ZNF718: variants seen among roughly 807,000 people sequenced by gnomAD.
The protein encoded by ZNF718 is zinc finger protein 718.
Under a neutral mutation model 2.6 loss-of-function variants are expected in ZNF718, and 3 were observed. That is an observed-to-expected ratio of 1.16 (90% confidence interval 0.53 to 3.01). The LOEUF is 3.01. Ranked by LOEUF, ZNF718 falls within the 30% of genes most tolerant of loss-of-function variation. The pLI is 0.03. For synonymous variants in ZNF718, 135 were observed against 77.9 expected, an observed-to-expected ratio of 1.73 and a Z score of -3.86; for missense variants, 468 against 230.0, an observed-to-expected ratio of 2.03 and a Z score of -6.69.
intron 3 of ZNF718, among the ~76,000 whole-genome samples, chr4:182,404 ATATTTATTTATT>A (rs74441689): frequency 0.13 from 19,217 of 147,566 alleles, 1,588 homozygotes; most frequent in Admixed American, 0.22. Flanking sequence ...ATTTTGATTT[ATATTTATTTATT>A]TATTTATTTA....
At chr4:166,284 A>G (rs1276668152), downstream of ZNF718, among the ~76,000 whole-genome samples, 11 of 152,168 alleles carry the variant, frequency 7.2e-5, no homozygotes, top group South Asian at 4.1e-4. Context: ...AGTCTTTGCT[A>G]TTGTGAATAG....
intron 3 of ZNF718, chr4:150,364 A>G (rs1225376858): frequency 2.0e-5 from 3 of 152,178 alleles, no homozygotes; most frequent in Non-Finnish European, 4.4e-5. Context: ...TATTTTGGAT[A>G]CGATGATGTA....
intron 3 of ZNF718, among the ~76,000 whole-genome samples, chr4:185,299 AG>A (rs2108814473): frequency 6.6e-6 from 1 of 152,276 alleles, no homozygotes; most frequent in Non-Finnish European, 1.5e-5. Flanking sequence ...ATTTCCATGT[AG>A]TTGCATGGTT....
chr4:194,081 C>T (rs1291762712), intron 3 of ZNF718, among the ~76,000 whole-genome samples: 3 of 152,170 alleles, frequency 2.0e-5, no homozygotes, highest in Non-Finnish European at 4.4e-5. Flanking sequence ...TTATCCCATT[C>T]TGCCTGCTCC....
chr4:172,863 G>T (rs1392011356), intron 3 of ZNF718, among the ~76,000 whole-genome samples: 1 of 151,974 alleles, frequency 6.6e-6, no homozygotes, highest in South Asian at 2.1e-4. Flanking sequence ...AGACCATCCT[G>T]GCCAACATGG....
intron 3 of ZNF718, 79 bp from the exon 4 acceptor site, chr4:160,833 G>T (rs1581460213): frequency 9.0e-6 from 6 of 670,074 alleles, no homozygotes; most frequent in Non-Finnish European, 5.4e-6. Flanking sequence ...TTACTGGCTT[G>T]AGCTATAGTG....
At chr4:169,944 G>A (rs201501054) in intron 3 of ZNF718, among the ~76,000 whole-genome samples, 29,132 of 150,460 alleles carry the variant, frequency 0.19, 3,011 homozygotes, top group Admixed American at 0.26. Flanking sequence ...TCCTAGCATC[G>A]ATGGTCTTTA....
At chr4:152,171 G>C (rs1221215489) in intron 3 of ZNF718, among the ~76,000 whole-genome samples, 8 of 147,024 alleles carry the variant, frequency 5.4e-5, no homozygotes, top group Non-Finnish European at 1.1e-4. Flanking sequence ...CATACAATCG[G>C]GTTTTATACC....
Position 162,804 on chromosome 4 carries a change from T to C in ZNF718, c.*682T>C, listed in dbSNP as rs1716956449. The C allele has an allele frequency of 6.6e-6, 1 of 152,196 alleles. No homozygotes were observed. Among genetic ancestry groups the C allele is most frequent in the South Asian group, 2.1e-4 (1 of 4,832 alleles). The allele number at this position is 152,196 out of a possible 1,614,324, so 9.4% of individuals were successfully genotyped here. A position where few individuals can be genotyped will look rare whatever the true frequency, so the allele number is the denominator to read the frequency against. ...AACTATAGCTTAAAAAAAACCAGTT[T>C]ATACTAGAAGATATTTTGTAGATGC... On this transcript the variant is annotated 3_prime_UTR_variant, in exon 4 of 4. Transcript: ENST00000510175.
intron 1 of ZNF718, 166 bp downstream of exon 1, chr4:124,839 C>T: frequency 1.2e-6 from 1 of 837,724 alleles, no homozygotes; most frequent in South Asian, 1.6e-5. Context: ...TACAGCGGCT[C>T]TGGCCCAGCC....
At chr4:155,552 A>C (rs914787650) in intron 3 of ZNF718, among the ~76,000 whole-genome samples, 1 of 152,202 alleles carries the variant, frequency 6.6e-6, no homozygotes, top group Non-Finnish European at 1.5e-5. Flanking sequence ...TTGGCCTTGC[A>C]TGGGGCCTCT....
chr4:130,937 A>G (rs1330628040), intron 2 of ZNF718, 23 bp downstream of exon 2: 2 of 316,554 alleles, frequency 6.3e-6, no homozygotes, highest in Non-Finnish European at 1.1e-5. Context: ...TTAATATGTA[A>G]TTCCTAATAC....
chr4:160,876 G>A, intron 3 of ZNF718, 36 bp from the exon 4 acceptor site: 1 of 724,192 alleles, frequency 1.4e-6, no homozygotes, highest in South Asian at 1.6e-5. Flanking sequence ...TATGAATCTA[G>A]TAAGTGGGAT....
At chr4:164,570 A>C (rs1284193981), downstream of ZNF718, among the ~76,000 whole-genome samples, 1 of 152,122 alleles carries the variant, frequency 6.6e-6, no homozygotes, top group Non-Finnish European at 1.5e-5. Flanking sequence ...AACTTCATTA[A>C]GTATTTATTG....
At chr4:197,160 T>C (rs1553822167) in intron 3 of ZNF718, among the ~76,000 whole-genome samples, 1 of 151,974 alleles carries the variant, frequency 6.6e-6, no homozygotes, top group East Asian at 1.9e-4. Context: ...AGTGAGAGAC[T>C]TGATTTGGGA....
At chr4:154,343 A>C (rs886663244) in intron 3 of ZNF718, among the ~76,000 whole-genome samples, 1 of 152,216 alleles carries the variant, frequency 6.6e-6, no homozygotes, top group African/African-American at 2.4e-5. Flanking sequence ...TGACTCTGGA[A>C]CTGGGTAACA....
At chr4:200,251 G>T (rs1553822575) in intron 3 of ZNF718, among the ~76,000 whole-genome samples, 2 of 152,050 alleles carry the variant, frequency 1.3e-5, no homozygotes, top group African/African-American at 4.8e-5. Flanking sequence ...TTTTTTTTTT[G>T]TTTGTTTGTT....
chr4:124,984 C>T (rs1394912825), intron 1 of ZNF718: 3 of 341,884 alleles, frequency 8.8e-6, no homozygotes, highest in African/African-American at 6.5e-5. Context: ...GTCCGGAATC[C>T]CGTCCCTACT....
intron 1 of ZNF718, among the ~76,000 whole-genome samples, chr4:125,748 C>A (rs1560106588): frequency 6.6e-6 from 1 of 152,220 alleles, no homozygotes; most frequent in African/African-American, 2.4e-5. Context: ...AGCCCCCACC[C>A]AATGCTAACC....
Sources: gnomAD v4.1 joint callset for allele counts (sites outside exome capture counted in the v4.1 genomes callset) on GRCh38, gnomAD v4.1.1 for gene constraint, MANE v1.5 for transcripts, NCBI Gene and HGNC (gene_info 2026-07-23, HGNC 2026-07-21) for gene names.